TNIK: variants seen among roughly 807,000 people sequenced by gnomAD.
TNIK encodes the protein TRAF2 and NCK interacting kinase, also known as TRAF2 and NCK-interacting protein kinase.
Under a neutral mutation model 191.3 loss-of-function variants are expected in TNIK, and 49 were observed. The ratio of observed to expected loss-of-function variants is 0.26; its 90% confidence interval spans 0.20 to 0.32. The LOEUF (loss-of-function observed/expected upper bound fraction) is 0.32. Among genes scored for constraint, TNIK ranks in the 10% least tolerant of loss-of-function variants. The pLI, the probability that TNIK is intolerant of heterozygous loss-of-function variation, is 1.00. For missense variants in TNIK, 1,155 were observed against 1,702.3 expected, an observed-to-expected ratio of 0.68 and a Z score of 5.66; for synonymous variants, 594 against 600.9, an observed-to-expected ratio of 0.99 and a Z score of 0.17.
chr3:171,100,054 TGA>T (rs1415219225), intron 22 of TNIK, among the ~76,000 whole-genome samples: 1 of 152,168 alleles, frequency 6.6e-6, no homozygotes, highest in Non-Finnish European at 1.5e-5. Context: ...TATCACATAG[TGA>T]GAGTTTTAGC....
chr3:171,163,024 T>A (rs1734203266), intron 10 of TNIK, among the ~76,000 whole-genome samples: 1 of 152,174 alleles, frequency 6.6e-6, no homozygotes, highest in Admixed American at 6.5e-5. Flanking sequence ...CTCCAGGCAG[T>A]TAGCAGCTGG....
At chr3:171,288,662 G>T (rs1179845886) in intron 2 of TNIK, among the ~76,000 whole-genome samples, 1 of 152,010 alleles carries the variant, frequency 6.6e-6, no homozygotes, top group South Asian at 2.1e-4. Context: ...CAAAAAATTA[G>T]CCTGGTGTGG....
chr3:171,340,241 T>C (rs750399137), intron 2 of TNIK, among the ~76,000 whole-genome samples: 3 of 152,212 alleles, frequency 2.0e-5, no homozygotes, highest in Middle Eastern at 3.2e-3. Flanking sequence ...CTATGAGTGA[T>C]TAAGGATTTT....
chr3:171,314,453 G>T (rs1425794485), intron 2 of TNIK, among the ~76,000 whole-genome samples: 2 of 152,142 alleles, frequency 1.3e-5, no homozygotes, highest in Non-Finnish European at 2.9e-5. Context: ...TCTCCAAGTT[G>T]ATGTTGCCAT....
At chr3:171,084,123 T>C in intron 26 of TNIK, 32 bp downstream of exon 26, 2 of 1,393,540 alleles carry the variant, frequency 1.4e-6, no homozygotes, top group Non-Finnish European at 1.9e-6. Flanking sequence ...AGTGGTTATT[T>C]AAAAAAAAAA....
intron 2 of TNIK, among the ~76,000 whole-genome samples, chr3:171,281,656 A>T (rs1750438334): frequency 6.6e-6 from 1 of 151,844 alleles, no homozygotes; most frequent in Non-Finnish European, 1.5e-5. Flanking sequence ...AGTTAACACT[A>T]AACCGTACCA....
chr3:171,164,974 TC>T (rs1375018472), intron 10 of TNIK, among the ~76,000 whole-genome samples: 2 of 152,186 alleles, frequency 1.3e-5, no homozygotes, highest in African/African-American at 2.4e-5. Context: ...TTCCTTCAAG[TC>T]CCTGCTAGCT....
intron 11 of TNIK, 69 bp downstream of exon 11, chr3:171,161,201 G>C: frequency 6.6e-7 from 1 of 1,517,576 alleles, no homozygotes; most frequent in Non-Finnish European, 9.0e-7. Context: ...TAAATCAAAA[G>C]GAAAGTGAAT....
chr3:171,096,489 T>A (rs547826655), intron 22 of TNIK, among the ~76,000 whole-genome samples: 15 of 152,270 alleles, frequency 9.9e-5, no homozygotes, highest in Non-Finnish European at 2.2e-4. Context: ...TAATTTTTTT[T>A]AACAAAATCC....
chr3:171,429,801 G>T lies in TNIK; in HGVS notation c.57+30206C>A, dbSNP rs189535013. On this transcript the variant is annotated intron_variant, in intron 1 of 32. Transcript: ENST00000436636. Reference sequence around the variant, plus strand: ...GTTAATTGCCCATCAAGGTCTTGCTGGAATCCTACCTCGCCCCAGAAGCCT... The same window carrying T: ...GTTAATTGCCCATCAAGGTCTTGCTTGAATCCTACCTCGCCCCAGAAGCCT... Among the ~76,000 whole-genome samples the T allele has an allele frequency of 2.4e-3, 364 of 152,190 alleles. 4 individuals carry two copies. Among genetic ancestry groups the T allele is most frequent in the African/African-American group, 8.1e-3 (336 of 41,514 alleles).
intron 1 of TNIK, among the ~76,000 whole-genome samples, chr3:171,391,596 C>G (rs1311866963): frequency 6.6e-6 from 1 of 152,170 alleles, no homozygotes; most frequent in African/African-American, 2.4e-5. Flanking sequence ...AAGTCCAAAA[C>G]CCCTTTCTTT....
At chr3:171,440,703 T>A (rs1343503169) in intron 1 of TNIK, among the ~76,000 whole-genome samples, 1 of 152,176 alleles carries the variant, frequency 6.6e-6, no homozygotes, top group African/African-American at 2.4e-5. Context: ...GAGCTTATAG[T>A]CTCTTCTGCA....
intron 1 of TNIK, among the ~76,000 whole-genome samples, chr3:171,371,794 T>A (rs1716526053): frequency 2.0e-5 from 3 of 152,118 alleles, no homozygotes; most frequent in Non-Finnish European, 4.4e-5. Context: ...AGCCCATAAA[T>A]GGTGGCAGCT....
At chr3:171,395,055 C>T (rs1430940359) in intron 1 of TNIK, among the ~76,000 whole-genome samples, 1 of 152,062 alleles carries the variant, frequency 6.6e-6, no homozygotes, top group African/African-American at 2.4e-5. Context: ...ATAAGGTGAT[C>T]TTGGCTGATG....
chr3:171,321,939 A>G (rs1214746564), intron 2 of TNIK, among the ~76,000 whole-genome samples: 1 of 152,204 alleles, frequency 6.6e-6, no homozygotes, highest in Non-Finnish European at 1.5e-5. Context: ...ATTAAAACAC[A>G]TTGGTATCAG....
At chr3:171,329,370 A>AT (rs11426081) in intron 2 of TNIK, among the ~76,000 whole-genome samples, 152,206 of 152,216 alleles carry the variant, frequency 1, 76,098 homozygotes, top group Non-Finnish European at 1. Flanking sequence ...AAAAATATAT[A>AT]TTTTTAAATC....
chr3:171,210,288 T>C (rs1740633876), intron 4 of TNIK, among the ~76,000 whole-genome samples: 2 of 151,992 alleles, frequency 1.3e-5, no homozygotes, highest in Admixed American at 6.6e-5. Context: ...ACTAGGGAGG[T>C]AATTATAAAA....
At chr3:171,105,004 A>ATTAAATAGACTATG (rs1350756553) in intron 21 of TNIK, among the ~76,000 whole-genome samples, 1 of 151,812 alleles carries the variant, frequency 6.6e-6, no homozygotes, top group East Asian at 1.9e-4. Flanking sequence ...CAAAGACTAT[A>ATTAAATAGACTATG]TTAAATAGAC....
At chr3:171,398,754 G>C (rs1720545112) in intron 1 of TNIK, among the ~76,000 whole-genome samples, 1 of 152,210 alleles carries the variant, frequency 6.6e-6, no homozygotes, top group Admixed American at 6.5e-5. Flanking sequence ...ACCTATGGGA[G>C]TGTATTCATG....
Sources: allele counts gnomAD v4.1 joint callset (sites outside exome capture counted in the v4.1 genomes callset), GRCh38; gene constraint gnomAD v4.1.1; transcripts MANE v1.5; gene names NCBI Gene and HGNC (gene_info 2026-07-23, HGNC 2026-07-21).